BAIAP2L1: variants seen among roughly 807,000 people sequenced by gnomAD.
BAIAP2L1 encodes the protein BAR/IMD domain-containing adapter protein 2-like 1.
A neutral mutation model predicts 66.3 loss-of-function variants in BAIAP2L1; 35 were observed. The observed-to-expected ratio is 0.53, with a 90% confidence interval of 0.40 to 0.70. The LOEUF (loss-of-function observed/expected upper bound fraction) is 0.70. Among genes scored for constraint, BAIAP2L1 ranks in the 30% least tolerant of loss-of-function variants. The pLI, the probability that BAIAP2L1 is intolerant of heterozygous loss-of-function variation, is 0.00. For missense variants in BAIAP2L1, 622 were observed against 656.9 expected, an observed-to-expected ratio of 0.95 and a Z score of 0.58; for synonymous variants, 269 against 248.7, an observed-to-expected ratio of 1.08 and a Z score of -0.77.
chr7:98,318,193 C>T (rs565334239), intron 5 of BAIAP2L1, among the ~76,000 whole-genome samples: 2 of 152,280 alleles, frequency 1.3e-5, no homozygotes, highest in Non-Finnish European at 2.9e-5. Flanking sequence ...AAATGAGGAG[C>T]CCCCGACCAG....
intron 1 of BAIAP2L1, among the ~76,000 whole-genome samples, chr7:98,390,658 G>T (rs1021898064): frequency 3.9e-5 from 6 of 151,958 alleles, no homozygotes; most frequent in African/African-American, 1.4e-4. Flanking sequence ...CGTGAACCTG[G>T]GAGGCAGAGC....
At chr7:98,386,359 T>C in intron 1 of BAIAP2L1, 1 of 1,595,170 alleles carries the variant, frequency 6.3e-7, no homozygotes, top group South Asian at 1.1e-5. Flanking sequence ...ACTTCATCAT[T>C]CTGCAAATCA....
intron 1 of BAIAP2L1, among the ~76,000 whole-genome samples, chr7:98,399,315 TTGTG>T (rs1442974075): frequency 4.6e-5 from 7 of 152,312 alleles, no homozygotes; most frequent in East Asian, 1.9e-4. Context: ...AGTATACACT[TTGTG>T]TGTTAAGATA....
At chr7:98,299,992 G>C (rs1431381624) in intron 12 of BAIAP2L1, among the ~76,000 whole-genome samples, 2 of 152,192 alleles carry the variant, frequency 1.3e-5, no homozygotes, top group African/African-American at 4.8e-5. Flanking sequence ...TGTGAACCAA[G>C]ATCATGCCAC....
chr7:98,319,377 A>G (rs1356284229), intron 5 of BAIAP2L1, among the ~76,000 whole-genome samples: 3 of 152,164 alleles, frequency 2.0e-5, no homozygotes, highest in Non-Finnish European at 4.4e-5. Context: ...GGAGCCCCGG[A>G]CGGTGCTCTC....
intron 8 of BAIAP2L1, among the ~76,000 whole-genome samples, chr7:98,311,829 C>T (rs1459398478): frequency 2.0e-5 from 3 of 152,038 alleles, no homozygotes; most frequent in Non-Finnish European, 4.4e-5. Flanking sequence ...TCACTTGAAC[C>T]CGGGAGGTGG....
intron 2 of BAIAP2L1, among the ~76,000 whole-genome samples, chr7:98,357,114 T>C: frequency 7.9e-6 from 1 of 126,380 alleles, no homozygotes. Context: ...CTTGAACTCC[T>C]GGGTTCAAGG....
intron 1 of BAIAP2L1, among the ~76,000 whole-genome samples, chr7:98,394,507 TTTTG>T (rs757578115): frequency 5.6e-4 from 85 of 151,958 alleles, no homozygotes; most frequent in African/African-American, 1.5e-3. Context: ...GAACAAACGA[TTTTG>T]TTTGTGTTTA....
intron 1 of BAIAP2L1, among the ~76,000 whole-genome samples, chr7:98,375,064 G>A (rs777426013): frequency 6.6e-6 from 1 of 151,796 alleles, no homozygotes; most frequent in Non-Finnish European, 1.5e-5. Flanking sequence ...TCCAGCTTGG[G>A]TGACACAGTG....
chr7:98,393,176 T>TACACACATATGTGC (rs398111637), intron 1 of BAIAP2L1, among the ~76,000 whole-genome samples: 3 of 57,276 alleles, frequency 5.2e-5, no homozygotes, highest in Non-Finnish European at 1.7e-4. Context: ...TGTATATATA[T>TACACACATATGTGC]ACATATATGT....
chr7:98,365,987 A>G (rs1802381967), intron 1 of BAIAP2L1, among the ~76,000 whole-genome samples: 2 of 152,172 alleles, frequency 1.3e-5, no homozygotes, highest in Admixed American at 6.5e-5. Flanking sequence ...TGAGGCGTGC[A>G]GCCCGTCACT....
At chr7:98,366,942 C>A (rs4729433) in intron 1 of BAIAP2L1, among the ~76,000 whole-genome samples, 151,158 of 152,218 alleles carry the variant, frequency 0.99, 75,056 homozygotes, top group Middle Eastern at 1. Flanking sequence ...CACAGGCTGG[C>A]GTGCAGTGGC....
At chr7:98,301,643 G>A (rs1021702963) in intron 12 of BAIAP2L1, among the ~76,000 whole-genome samples, 1 of 152,118 alleles carries the variant, frequency 6.6e-6, no homozygotes, top group African/African-American at 2.4e-5. Flanking sequence ...AAGACAGAAA[G>A]GGGGAACCTG....
chr7:98,356,175 G>A (rs1802114759), intron 2 of BAIAP2L1, among the ~76,000 whole-genome samples: 1 of 152,146 alleles, frequency 6.6e-6, no homozygotes, highest in Non-Finnish European at 1.5e-5. Context: ...AACAAAGGTT[G>A]CTCATCCTTA....
intron 1 of BAIAP2L1, among the ~76,000 whole-genome samples, chr7:98,398,911 T>A (rs1410637708): frequency 1.3e-5 from 2 of 152,134 alleles, no homozygotes; most frequent in East Asian, 3.9e-4. Flanking sequence ...GCAGTGGTGT[T>A]CTGTATTTTT....
chr7:98,299,041 G>A (rs1456034327), intron 12 of BAIAP2L1, among the ~76,000 whole-genome samples: 2 of 151,950 alleles, frequency 1.3e-5, no homozygotes, highest in Non-Finnish European at 2.9e-5. Flanking sequence ...TTGAGATGGA[G>A]TTTTCCTCTT....
intron 1 of BAIAP2L1, chr7:98,385,929 C>T: frequency 6.9e-7 from 1 of 1,454,458 alleles, no homozygotes; most frequent in South Asian, 1.1e-5. Context: ...CAAACTTGGG[C>T]TTCTTCAGCA....
intron 5 of BAIAP2L1, among the ~76,000 whole-genome samples, chr7:98,319,289 C>A (rs1057170462): frequency 6.6e-6 from 1 of 152,162 alleles, no homozygotes; most frequent in Non-Finnish European, 1.5e-5. Flanking sequence ...CCTGGATAAA[C>A]CTGCTGAAAT....
At chr7:98,343,000 A>AATC (rs1801779481) in intron 3 of BAIAP2L1, among the ~76,000 whole-genome samples, 1 of 151,860 alleles carries the variant, frequency 6.6e-6, no homozygotes, top group Non-Finnish European at 1.5e-5. Flanking sequence ...AAAGGATTTA[A>AATC]CTTTATCACA....
Sources: gnomAD v4.1 joint callset for allele counts (sites outside exome capture counted in the v4.1 genomes callset) on GRCh38, gnomAD v4.1.1 for gene constraint, MANE v1.5 for transcripts, NCBI Gene and HGNC (gene_info 2026-07-23, HGNC 2026-07-21) for gene names.